Variants in SHROOM2 observed in about 807,000 individuals in gnomAD.
SHROOM2 encodes the protein protein Shroom2.
In SHROOM2, 33 loss-of-function variants were observed where a neutral mutation model predicts 75.9. The observed-to-expected ratio is 0.43, with a 90% confidence interval of 0.33 to 0.58. The LOEUF (loss-of-function observed/expected upper bound fraction) is 0.58, where lower values mean the gene tolerates loss of function less well. Among genes scored for constraint, SHROOM2 ranks in the 20% least tolerant of loss-of-function variants. The pLI, the probability that SHROOM2 is intolerant of heterozygous loss-of-function variation, is 0.04. For missense variants in SHROOM2, 1,434 were observed against 1,461.2 expected (o/e 0.98, Z 0.30); for synonymous variants, 655 against 663.6 (o/e 0.99, Z 0.20).
rs780183645 is a variant in SHROOM2 at position 9,946,842 on chromosome X, A to G, written c.4756A>G (p.Ile1586Val). Reference sequence around the variant, plus strand: ...CTTCGTGAAGATGAAGTCGGCCCTCATCATCGAGCAGCGGGAGCTGGAAGA... The same window carrying G: ...CTTCGTGAAGATGAAGTCGGCCCTCGTCATCGAGCAGCGGGAGCTGGAAGA... The part of the protein sequence containing the change: ...EHFVKMKSAL[I>V]IEQRELEDKI... The change falls in exon 10 of 10, where the codon ATC becomes GTC. Residue 1586 changes from isoleucine to valine, a missense_variant. Ile to Val is a conservative substitution (Grantham distance 29, BLOSUM62 3). This residue lies in a region of SHROOM2 where 80 missense variants were observed against 88.4 expected (regional missense o/e 0.90). Transcript: ENST00000380913. 5.8e-6 allele frequency: 7 copies of G among 1,200,213 alleles called. No homozygotes were observed. The highest frequency in any genetic ancestry group is 7.9e-6 in the Non-Finnish European group (7 of 889,348).
chrX:9,836,615 C>T (rs1336396554), intron 1 of SHROOM2, among the ~76,000 whole-genome samples: 1 of 105,850 alleles, frequency 9.4e-6, no homozygotes, highest in Non-Finnish European at 1.9e-5. Context: ...TGTTAAGAGA[C>T]AGGGTCTCAC....
chrX:9,870,692 T>C (rs2084166407), intron 1 of SHROOM2, among the ~76,000 whole-genome samples: 1 of 112,259 alleles, frequency 8.9e-6, no homozygotes, highest in Non-Finnish European at 1.9e-5. Flanking sequence ...TTGTAGTAAA[T>C]TGGATGTTTA....
At chrX:9,814,662 G>A (rs747704346) in intron 1 of SHROOM2, among the ~76,000 whole-genome samples, 2 of 111,591 alleles carry the variant, frequency 1.8e-5, no homozygotes, top group Non-Finnish European at 3.8e-5. Flanking sequence ...TGGAAAGGCT[G>A]ATGGCAGCCA....
chrX:9,884,090 G>A (rs1040298765), intron 2 of SHROOM2, among the ~76,000 whole-genome samples: 2 of 111,438 alleles, frequency 1.8e-5, no homozygotes, highest in African/African-American at 6.5e-5. Flanking sequence ...TAGGCCAAAA[G>A]CCCCCCACGT....
At chrX:9,806,464 GTA>G (rs985869405) in intron 1 of SHROOM2, among the ~76,000 whole-genome samples, 5 of 107,078 alleles carry the variant, frequency 4.7e-5, no homozygotes, top group African/African-American at 6.8e-5. Flanking sequence ...TAGATTGTGT[GTA>G]TATATATATG....
At chrX:9,814,525 C>T (rs2083808512) in intron 1 of SHROOM2, among the ~76,000 whole-genome samples, 2 of 111,336 alleles carry the variant, frequency 1.8e-5, no homozygotes, top group Admixed American at 1.9e-4. Flanking sequence ...AGTGATAGGT[C>T]TAGAAGCAAA....
intron 1 of SHROOM2, among the ~76,000 whole-genome samples, chrX:9,873,450 TG>T (rs2084181652): frequency 8.9e-6 from 1 of 111,828 alleles, no homozygotes; most frequent in African/African-American, 3.3e-5. Context: ...TCCCATTCCC[TG>T]GATAAACAGG....
At chrX:9,794,651 T>C (rs188911861) in intron 1 of SHROOM2, among the ~76,000 whole-genome samples, 6 of 112,052 alleles carry the variant, frequency 5.4e-5, no homozygotes, top group African/African-American at 1.9e-4. Context: ...ATTACAGACA[T>C]GAGCCACCGC....
intron 1 of SHROOM2, among the ~76,000 whole-genome samples, chrX:9,861,784 G>GTT (rs1013542841): frequency 1.8e-5 from 2 of 111,879 alleles, no homozygotes; most frequent in Non-Finnish European, 3.8e-5. Flanking sequence ...AATTGTGTAC[G>GTT]TAAGTGGCAG....
At chrX:9,877,371 G>A (rs898562021) in intron 2 of SHROOM2, among the ~76,000 whole-genome samples, 4 of 111,469 alleles carry the variant, frequency 3.6e-5, no homozygotes, top group African/African-American at 1.3e-4. Flanking sequence ...CGAGATGTCA[G>A]GGGAGGGGTG....
At chrX:9,863,194 C>T (rs1321878274) in intron 1 of SHROOM2, among the ~76,000 whole-genome samples, 1 of 111,644 alleles carries the variant, frequency 9.0e-6, no homozygotes, top group Non-Finnish European at 1.9e-5. Context: ...CCGTTTCTCC[C>T]AGTCACTCCT....
chrX:9,936,403 C>T (rs753518954), intron 6 of SHROOM2, among the ~76,000 whole-genome samples: 68 of 111,560 alleles, frequency 6.1e-4, no homozygotes, highest in Non-Finnish European at 1.1e-3. Context: ...TGACCCACCA[C>T]ATCTGGCTGA....
rs749065822 is a variant in SHROOM2 at position 9,939,337 on chromosome X, G to A, written c.4282G>A (p.Asp1428Asn). 1.7e-5 allele frequency: 21 copies of A among 1,207,511 alleles called. No individual in the cohort carries two copies. The Admixed American group carries it at 2.2e-4, about 13-fold the overall frequency. ...QQEHEEDSGS[D>N]LDHDLSVKKQ... The stretch of plus-strand genomic sequence containing the variant: ...GGAGCACGAAGAGGATTCGGGAAGC[G>A]ACTTGGACCACGACCTGTCGGTGAA... Residue 1428 changes from aspartate (D) to asparagine (N), a missense_variant, in exon 8 of 10, where the codon GAC (aspartate) becomes AAC (asparagine). Physicochemically the swap from Asp to Asn is conservative, Grantham distance 23. Transcript: ENST00000380913.
intron 5 of SHROOM2, among the ~76,000 whole-genome samples, chrX:9,909,429 C>T (rs1430603797): frequency 8.9e-6 from 1 of 112,736 alleles, no homozygotes; most frequent in African/African-American, 3.2e-5. Context: ...AGCTCCCCCG[C>T]TCCCCGCTCA....
chrX:9,806,792 G>C (rs1046663126), intron 1 of SHROOM2, among the ~76,000 whole-genome samples: 27 of 107,851 alleles, frequency 2.5e-4, no homozygotes, highest in Non-Finnish European at 4.4e-4. Context: ...GGCACTATCC[G>C]GGCTCACTGC....
At chrX:9,850,660 T>C (rs749211066) in intron 1 of SHROOM2, among the ~76,000 whole-genome samples, 7 of 110,229 alleles carry the variant, frequency 6.4e-5, no homozygotes, top group Non-Finnish European at 1.3e-4. Context: ...GGCAACATAG[T>C]GAGATCTCGT....
intron 5 of SHROOM2, chrX:9,912,433 C>T (rs979051980): frequency 1.8e-5 from 2 of 111,736 alleles, no homozygotes; most frequent in African/African-American, 6.5e-5. Flanking sequence ...TGAGCTTGCC[C>T]ATCAACAAGA....
At chrX:9,942,176 A>G (rs2084777881) in intron 8 of SHROOM2, among the ~76,000 whole-genome samples, 1 of 111,084 alleles carries the variant, frequency 9.0e-6, no homozygotes, top group African/African-American at 3.3e-5. Flanking sequence ...CAGCTGTGAG[A>G]TTCTCAACTT....
intron 2 of SHROOM2, among the ~76,000 whole-genome samples, chrX:9,884,651 A>T (rs1417741150): frequency 1.1e-5 from 1 of 87,205 alleles, no homozygotes. Flanking sequence ...GCATTTTTTT[A>T]TATTTGTGTT....
Sources: gnomAD v4.1 joint callset for allele counts (sites outside exome capture counted in the v4.1 genomes callset) on GRCh38, gnomAD v4.1.1 for gene constraint, gnomAD v4.1.1 regional missense constraint, MANE v1.5 for transcripts, NCBI Gene and HGNC (gene_info 2026-07-23, HGNC 2026-07-21) for gene names.